The following VGLL4 variants were observed in gnomAD, a reference collection of about 807,000 sequenced individuals.
VGLL4 encodes transcription cofactor vestigial-like protein 4.
Under a neutral mutation model 21.0 loss-of-function variants are expected in VGLL4, and 7 were observed. The observed-to-expected ratio is 0.33, with a 90% confidence interval of 0.19 to 0.63. VGLL4 has a LOEUF of 0.63. VGLL4 is among the 20% of genes least tolerant of loss of function. The pLI, the probability that VGLL4 is intolerant of heterozygous loss-of-function variation, is 0.78. For synonymous variants in VGLL4, 222 were observed against 173.2 expected (o/e 1.28, Z -2.21); for missense variants, 394 against 425.7 (o/e 0.93, Z 0.66).
chr3:11,572,962 G>GT (rs2125174857), intron 2 of VGLL4, among the ~76,000 whole-genome samples: 1 of 152,204 alleles, frequency 6.6e-6, no homozygotes, highest in East Asian at 1.9e-4. Flanking sequence ...GAGGTCAGGA[G>GT]TTTGAGACCG....
intron 1 of VGLL4, among the ~76,000 whole-genome samples, chr3:11,718,420 G>C (rs906693044): frequency 6.6e-6 from 1 of 151,994 alleles, no homozygotes; most frequent in Admixed American, 6.6e-5. Flanking sequence ...TTACTGCTCC[G>C]ACCCCAAAGG....
Position 11,674,958 on chromosome 3 carries a change from T to C in VGLL4, c.64+28013A>G, listed in dbSNP as rs564963222. Among the ~76,000 whole-genome samples, 11 of 152,342 alleles carry C rather than the reference T, an allele frequency of 7.2e-5. No homozygotes were observed. In the South Asian group the frequency reaches 1.4e-3, roughly 20 times the overall value. On this transcript the variant is annotated intron_variant, in intron 2 of 5. Transcript: ENST00000273038. ...TCTTAAATAGCATATTCTCCCTCGA[T>C]GATGTGAAGTGATACATCTCATTCA... is the stretch of plus-strand genomic sequence containing the variant.
intron 2 of VGLL4, among the ~76,000 whole-genome samples, chr3:11,567,627 T>C (rs1379162716): frequency 2.0e-5 from 3 of 151,946 alleles, no homozygotes; most frequent in African/African-American, 7.3e-5. Context: ...ACAGCACAGG[T>C]TTCTGCAATG....
intron 2 of VGLL4, among the ~76,000 whole-genome samples, chr3:11,571,988 C>T (rs573884942): frequency 1.6e-4 from 25 of 152,212 alleles, no homozygotes; most frequent in African/African-American, 5.8e-4. Context: ...GTACCTGCAG[C>T]CCCAGCTACT....
At chr3:11,716,215 T>C (rs930872292) in intron 1 of VGLL4, among the ~76,000 whole-genome samples, 3 of 147,284 alleles carry the variant, frequency 2.0e-5, no homozygotes, top group Non-Finnish European at 4.4e-5. Flanking sequence ...GGCAGGAGAA[T>C]CACTTGAAAC....
chr3:11,672,728 A>G (rs943149417), intron 2 of VGLL4, among the ~76,000 whole-genome samples: 3 of 152,238 alleles, frequency 2.0e-5, no homozygotes, highest in African/African-American at 7.2e-5. Context: ...CAAAAATGCT[A>G]CAATGCAAAT....
chr3:11,695,332 G>A (rs542584598), intron 2 of VGLL4, among the ~76,000 whole-genome samples: 33 of 152,234 alleles, frequency 2.2e-4, no homozygotes, highest in African/African-American at 7.7e-4. Flanking sequence ...ACAGGTGTGA[G>A]CCACCATGCC....
At chr3:11,620,740 G>A (rs1046604877) in intron 1 of VGLL4, among the ~76,000 whole-genome samples, 6 of 152,066 alleles carry the variant, frequency 3.9e-5, no homozygotes, top group Admixed American at 6.6e-5. Context: ...CTTGCTGACC[G>A]GCTCCACCTG....
chr3:11,707,390 G>A (rs1003563482), intron 1 of VGLL4, among the ~76,000 whole-genome samples: 5 of 151,436 alleles, frequency 3.3e-5, no homozygotes, highest in Non-Finnish European at 5.9e-5. Context: ...TGACTGGAGA[G>A]GGTGACTCCA....
intron 1 of VGLL4, among the ~76,000 whole-genome samples, chr3:11,605,919 T>C (rs189021892): frequency 6.6e-6 from 1 of 152,344 alleles, no homozygotes; most frequent in East Asian, 1.9e-4. Flanking sequence ...AGGATCTAAA[T>C]AGGCATTTCC....
intron 2 of VGLL4, among the ~76,000 whole-genome samples, chr3:11,584,437 G>A (rs1411751421): frequency 6.6e-6 from 1 of 152,100 alleles, no homozygotes; most frequent in Non-Finnish European, 1.5e-5. Flanking sequence ...TCACCTGTGG[G>A]AAGATGCCGA....
chr3:11,658,681 T>C (rs1361931452), intron 2 of VGLL4, among the ~76,000 whole-genome samples: 2 of 142,698 alleles, frequency 1.4e-5, no homozygotes, highest in African/African-American at 5.4e-5. Flanking sequence ...CTATTCTTCA[T>C]GAGTGAGAAA....
intron 1 of VGLL4, among the ~76,000 whole-genome samples, chr3:11,618,772 C>T (rs1400443168): frequency 1.3e-5 from 2 of 152,114 alleles, no homozygotes; most frequent in Non-Finnish European, 2.9e-5. Context: ...CAAAATCATC[C>T]CCATGATGCC....
At position 11,682,366 on chromosome 3, in the gene VGLL4, C is replaced by T. The variant is rs192201603; in HGVS notation, c.64+20605G>A. 9.7e-5 allele frequency among the ~76,000 whole-genome samples: 14 copies of T among 144,832 alleles called. No individual in the cohort carries two copies. The East Asian group carries it at 2.9e-3, about 30-fold the overall frequency. On this transcript the variant is annotated intron_variant, in intron 2 of 5. Coordinates refer to the VGLL4 transcript ENST00000273038. ...GTTGCAGTGAGCTGAGATCGCACCA[C>T]TGCACTCCAGCCCGGGTGACAGTAC...
intron 1 of VGLL4, among the ~76,000 whole-genome samples, chr3:11,641,778 C>G (rs1455708115): frequency 6.6e-6 from 1 of 152,112 alleles, no homozygotes; most frequent in Non-Finnish European, 1.5e-5. Context: ...CAGAGCAGAG[C>G]ACTCTAGTTT....
In VGLL4 at chr3:11,664,795, T is replaced by G. The variant is rs2076085916; in HGVS notation, c.64+38176A>C. ...GAGCTATAGTAACTATAAAACATGTTTTATAGATCTTTTTTAAAATTGTGT... is the reference window on the plus strand; with the variant it reads ...GAGCTATAGTAACTATAAAACATGTGTTATAGATCTTTTTTAAAATTGTGT... On this transcript the variant is annotated intron_variant, in intron 2 of 5. Transcript: ENST00000273038. 2.0e-5 allele frequency among the ~76,000 whole-genome samples: 3 copies of G among 152,322 alleles called. No individual in the cohort carries two copies. The South Asian group carries it at 6.2e-4, about 32-fold the overall frequency.
intron 2 of VGLL4, among the ~76,000 whole-genome samples, chr3:11,649,893 CTATTTGGTTTGGTTTGGTTT>C (rs1178248843): frequency 5.5e-5 from 8 of 145,474 alleles, no homozygotes; most frequent in African/African-American, 2.0e-4. Flanking sequence ...CACAAGTGCT[CTATTTGGTTTGGTTTGGTTT>C]GGTTTGGTTT....
At position 11,558,475 on chromosome 3, in the gene VGLL4, A is replaced by ATT. The variant is rs369629845; in HGVS notation, c.*79_*80dup. Reference sequence around the variant, plus strand: ...CCCTTCCCCCCACCCCACCCCCATGATTTTTTTTTTTTTAAGTACTGACTG... The same window carrying ATT: ...CCCTTCCCCCCACCCCACCCCCATGATTTTTTTTTTTTTTTAAGTACTGACTG... On this transcript the variant is annotated 3_prime_UTR_variant, in exon 5 of 5. Coordinates refer to ENST00000430365, the MANE Select transcript of VGLL4 (RefSeq NM_001128219.3). 566 of 788,610 alleles carry ATT rather than the reference A, an allele frequency of 7.2e-4. No homozygotes were observed. Among genetic ancestry groups the ATT allele is most frequent in the South Asian group, 1.3e-3 (66 of 50,822 alleles). The allele number at this position is 788,610 out of a possible 1,614,324, so 48.9% of individuals were successfully genotyped here. A position where few individuals can be genotyped will look rare whatever the true frequency, so the allele number is the denominator to read the frequency against.
intron 2 of VGLL4, among the ~76,000 whole-genome samples, chr3:11,655,363 T>C (rs1020850958): frequency 6.6e-6 from 1 of 152,138 alleles, no homozygotes; most frequent in Non-Finnish European, 1.5e-5. Flanking sequence ...AACATCCCAA[T>C]GAGTTAGTTG....
Sources: gnomAD v4.1 joint callset for allele counts (sites outside exome capture counted in the v4.1 genomes callset) on GRCh38, gnomAD v4.1.1 for gene constraint, MANE v1.5 for transcripts, NCBI Gene and HGNC (gene_info 2026-07-23, HGNC 2026-07-21) for gene names.